The following CELF5 variants were observed in gnomAD, a reference collection of about 807,000 sequenced individuals.
CELF5 encodes the protein CUG-BP and ETR-3 like factor 5.
In CELF5, 6 loss-of-function variants were observed where a neutral mutation model predicts 54.9. The observed-to-expected ratio is 0.11, with a 90% confidence interval of 0.06 to 0.22. The LOEUF (loss-of-function observed/expected upper bound fraction) is 0.22, where lower values mean the gene tolerates loss of function less well. Ranked by LOEUF, CELF5 falls within the 10% of genes least tolerant of loss-of-function variation. The probability of loss-of-function intolerance (pLI) is 1.00; values close to 1 mark genes in which losing one functional copy is unlikely to be tolerated. For missense variants in CELF5, 401 were observed against 678.6 expected, an observed-to-expected ratio of 0.59 and a Z score of 4.54; for synonymous variants, 271 against 290.9, an observed-to-expected ratio of 0.93 and a Z score of 0.70.
intron 12 of CELF5, chr19:3,293,819 C>T (rs535372151): frequency 6.2e-5 from 12 of 193,790 alleles, no homozygotes; most frequent in African/African-American, 1.7e-4. Context: ...GGTGGGGGTG[C>T]GGTGGGGAGG....
intron 1 of CELF5, among the ~76,000 whole-genome samples, chr19:3,245,410 G>A (rs940231511): frequency 6.6e-6 from 1 of 150,850 alleles, no homozygotes; most frequent in African/African-American, 2.4e-5. Flanking sequence ...GCGTGTGTGT[G>A]TGGTGTGTGG....
At position 3,289,631 on chromosome 19, in the gene CELF5, G is replaced by A. The variant is rs1052923698; in HGVS notation, c.1187-600G>A. 5.7e-5 allele frequency among the ~76,000 whole-genome samples: 7 copies of A among 122,206 alleles called. No individual in the cohort carries two copies. In the South Asian group the frequency reaches 8.1e-4, roughly 14 times the overall value. The allele number at this position is 122,206 out of a possible 152,430, so 80.2% of individuals were successfully genotyped here. A position where few individuals can be genotyped will look rare whatever the true frequency, so the allele number is the denominator to read the frequency against. On this transcript the variant is annotated intron_variant, in intron 10 of 12. Coordinates refer to ENST00000292672, the MANE Select transcript of CELF5 (RefSeq NM_021938.4). The stretch of plus-strand genomic sequence containing the variant: ...CAGGAGGCAGAGGTTGCAGTGAGCC[G>A]AGATCGCACCACTGCACTCCAGCCT...
chr19:3,230,244 T>C (rs778274138), intron 1 of CELF5, among the ~76,000 whole-genome samples: 2 of 152,052 alleles, frequency 1.3e-5, no homozygotes, highest in Non-Finnish European at 2.9e-5. Flanking sequence ...GGTGCAGGGT[T>C]GAGGGAACTG....
Position 3,279,249 on chromosome 19 carries a change from T to C in CELF5, c.603+1139T>C, listed in dbSNP as rs551862569. ...TCACTGGTTGAGGGAGGGGTGGGGA[T>C]TGGGGACAGGTCCCAGAGTCTGCAG... On this transcript the variant is annotated intron_variant, in intron 5 of 12. Coordinates refer to ENST00000292672, the MANE Select transcript of CELF5 (RefSeq NM_021938.4). Among the ~76,000 whole-genome samples, 51 of 151,458 alleles carry C rather than the reference T, an allele frequency of 3.4e-4. No homozygotes were observed. The Middle Eastern group carries it at 0.014, about 40-fold the overall frequency.
intron 1 of CELF5, among the ~76,000 whole-genome samples, chr19:3,247,293 A>AT (rs1256267275): frequency 6.6e-6 from 1 of 151,542 alleles, no homozygotes; most frequent in Admixed American, 6.6e-5. Flanking sequence ...CGCCCGACTA[A>AT]TTTTTTGTAT....
chr19:3,271,909 C>G (rs312931), intron 2 of CELF5, among the ~76,000 whole-genome samples: 38,868 of 151,990 alleles, frequency 0.26, 5,250 homozygotes, highest in South Asian at 0.38. Flanking sequence ...AGTGGGTGGA[C>G]AGATCACTGA....
At chr19:3,234,329 G>A (rs1917418876) in intron 1 of CELF5, among the ~76,000 whole-genome samples, 1 of 152,008 alleles carries the variant, frequency 6.6e-6, no homozygotes, top group Non-Finnish European at 1.5e-5. Context: ...AAACTCCTGG[G>A]CTCAAGCAAT....
intron 2 of CELF5, among the ~76,000 whole-genome samples, chr19:3,273,657 T>C (rs1363355927): frequency 6.6e-6 from 1 of 152,078 alleles, no homozygotes; most frequent in African/African-American, 2.4e-5. Context: ...GGAAGGGATA[T>C]TGTTGGGTTT....
chr19:3,236,118 A>T (rs1440879966), intron 1 of CELF5, among the ~76,000 whole-genome samples: 1 of 152,174 alleles, frequency 6.6e-6, no homozygotes, highest in Non-Finnish European at 1.5e-5. Context: ...AGCATGGTTG[A>T]CATAGGGTCC....
chr19:3,263,670 T>C (rs1258811577), intron 2 of CELF5, among the ~76,000 whole-genome samples: 2 of 152,226 alleles, frequency 1.3e-5, no homozygotes, highest in East Asian at 1.9e-4. Context: ...TTTGGGAGGC[T>C]GAGGCGGGTG....
intron 1 of CELF5, among the ~76,000 whole-genome samples, chr19:3,235,522 ATGAATAG>A (rs1917507655): frequency 8.3e-6 from 1 of 119,780 alleles, no homozygotes; most frequent in Non-Finnish European, 1.8e-5. Flanking sequence ...GGATGGATGG[ATGAATAG>A]GTGGGTGGGT....
chr19:3,285,676 C>CCCA (rs1555726867), intron 9 of CELF5, among the ~76,000 whole-genome samples: 7 of 127,418 alleles, frequency 5.5e-5, no homozygotes, highest in East Asian at 2.4e-4. Context: ...CCCACCCCCC[C>CCCA]TTCCCCGCCC....
At chr19:3,236,884 G>A (rs529682327) in intron 1 of CELF5, among the ~76,000 whole-genome samples, 9 of 151,686 alleles carry the variant, frequency 5.9e-5, no homozygotes, top group African/African-American at 1.9e-4. Context: ...AGCTACTTGG[G>A]AGGCCGAAGT....
At position 3,275,988 on chromosome 19, in the gene CELF5, A is replaced by T. The variant is rs770820095; in HGVS notation, c.523+4A>T. The T allele has an allele frequency of 6.8e-7, 1 of 1,470,386 alleles. No individual in the cohort carries two copies. Among genetic ancestry groups the T allele is most frequent in the Non-Finnish European group, 9.1e-7 (1 of 1,097,832 alleles). The allele number at this position is 1,470,386 out of a possible 1,614,324, so 91.1% of individuals were successfully genotyped here. On this transcript the variant is annotated splice_donor_region_variant and intron_variant, in intron 4 of 12. Transcript: ENST00000292672. The surrounding 1 kb of genome is among the most constrained non-coding windows in gnomAD (Gnocchi z 6.7). ...GGGCCTGACGGCAGCAGCAAAGGTG[A>T]CTGGCGGGGGCCGGGGCGGGACTGC...
At chr19:3,277,970 C>T (rs2080083532) in intron 4 of CELF5, 61 bp from the exon 5 acceptor site, 3 of 1,354,330 alleles carry the variant, frequency 2.2e-6, no homozygotes, top group Non-Finnish European at 3.2e-6. Flanking sequence ...CTCCTGTGGC[C>T]CCCGCTCAGC....
chr19:3,262,321 G>A (rs577016359), intron 2 of CELF5, among the ~76,000 whole-genome samples: 1 of 152,172 alleles, frequency 6.6e-6, no homozygotes, highest in African/African-American at 2.4e-5. Flanking sequence ...GAGCCACCGC[G>A]CCCGGCCAAG....
chr19:3,278,160 AG>A lies in CELF5; in HGVS notation c.603+55del. 1.6e-6 allele frequency: 1 copy of A among 627,960 alleles called. No homozygotes were observed. The highest frequency in any genetic ancestry group is 2.9e-6 in the Non-Finnish European group (1 of 342,604). The allele number at this position is 627,960 out of a possible 1,614,324, so 38.9% of individuals were successfully genotyped here. A position where few individuals can be genotyped will look rare whatever the true frequency, so the allele number is the denominator to read the frequency against. On this transcript the variant is annotated intron_variant, in intron 5 of 12. Coordinates refer to ENST00000292672, the MANE Select transcript of CELF5 (RefSeq NM_021938.4). The surrounding 1 kb of genome is among the most constrained non-coding windows in gnomAD (Gnocchi z 4.5). ...TGGGGGTGGGGGTGGGAAAGGGGTGAGGGGGACAGGGATGAAACAGGCCATA... is the reference window on the plus strand; with the variant it reads ...TGGGGGTGGGGGTGGGAAAGGGGTGAGGGGACAGGGATGAAACAGGCCATA...
intron 1 of CELF5, among the ~76,000 whole-genome samples, chr19:3,230,235 G>T (rs1366364742): frequency 6.6e-6 from 1 of 152,210 alleles, no homozygotes; most frequent in Non-Finnish European, 1.5e-5. Context: ...AGAGGGAGGG[G>T]TGCAGGGTTG....
chr19:3,251,217 AT>A lies in CELF5; in HGVS notation c.342+151del, dbSNP rs1243645076. The A allele has an allele frequency of 8.0e-6, 5 of 627,308 alleles. No homozygotes were observed. In the African/African-American group the frequency reaches 9.2e-5, roughly 12 times the overall value. The allele number at this position is 627,308 out of a possible 1,614,324, so 38.9% of individuals were successfully genotyped here. A position where few individuals can be genotyped will look rare whatever the true frequency, so the allele number is the denominator to read the frequency against. On this transcript the variant is annotated intron_variant, in intron 2 of 12. Coordinates refer to ENST00000292672, the MANE Select transcript of CELF5 (RefSeq NM_021938.4). ...GAGGAGCAGAGGTATAGAAATCATC[AT>A]AATAGTGTGCATTTATTGAGTGCCT...
Sources: gnomAD v4.1 joint callset for allele counts (sites outside exome capture counted in the v4.1 genomes callset) on GRCh38, gnomAD v4.1.1 for gene constraint, Gnocchi (gnomAD v3.1) non-coding constraint, MANE v1.5 for transcripts, NCBI Gene and HGNC (gene_info 2026-07-23, HGNC 2026-07-21) for gene names.